SPATA16: variants seen among roughly 807,000 people sequenced by gnomAD.
SPATA16 encodes the protein spermatogenesis associated 16.
In SPATA16, 36 loss-of-function variants were observed where a neutral mutation model predicts 63.3. The ratio of observed to expected loss-of-function variants is 0.57; its 90% CI spans 0.44 to 0.75. The LOEUF is 0.75. Among genes scored for constraint, SPATA16 ranks in the 30% least tolerant of loss-of-function variants. The probability of loss-of-function intolerance (pLI) is 0.00; values close to 1 mark genes in which losing one functional copy is unlikely to be tolerated. For missense variants in SPATA16, 646 were observed against 679.3 expected (o/e 0.95, Z 0.54); for synonymous variants, 203 against 216.7 (o/e 0.94, Z 0.56).
At chr3:172,951,855 T>C (rs908657307) in intron 6 of SPATA16, among the ~76,000 whole-genome samples, 2 of 152,250 alleles carry the variant, frequency 1.3e-5, no homozygotes, top group Non-Finnish European at 2.9e-5. Context: ...GTTTTAATGA[T>C]AATAATTACT....
chr3:172,987,362 C>A (rs1467814542), intron 4 of SPATA16, among the ~76,000 whole-genome samples: 1 of 152,196 alleles, frequency 6.6e-6, no homozygotes, highest in Non-Finnish European at 1.5e-5. Flanking sequence ...CCTCCTGGAG[C>A]ATCCCCACAG....
At chr3:173,099,549 A>G (rs1013266477) in intron 2 of SPATA16, among the ~76,000 whole-genome samples, 2 of 152,206 alleles carry the variant, frequency 1.3e-5, no homozygotes, top group African/African-American at 4.8e-5. Context: ...TTAACTTAAA[A>G]GATGAACAAC....
In SPATA16 at chr3:172,939,898, C is replaced by T. The variant is rs1326720499; in HGVS notation, c.1082-14406G>A. 5.3e-5 allele frequency among the ~76,000 whole-genome samples: 8 copies of T among 152,308 alleles called. No individual in the cohort carries two copies. The East Asian group carries it at 1.2e-3, about 22-fold the overall frequency. ...GCTTGGAATGTTCAGCTTCATGCCT[C>T]CCCCACCTCTGGAGAGAGGAGAGAT... On this transcript the variant is annotated intron_variant, in intron 6 of 10. Coordinates refer to ENST00000351008, the MANE Select transcript of SPATA16 (RefSeq NM_031955.6).
At chr3:173,123,414 G>A (rs1316112767) in intron 1 of SPATA16, among the ~76,000 whole-genome samples, 1 of 151,962 alleles carries the variant, frequency 6.6e-6, no homozygotes, top group Non-Finnish European at 1.5e-5. Context: ...CCTCTGCATT[G>A]CACCCCAAGT....
At chr3:172,994,963 A>G (rs1734663228) in intron 4 of SPATA16, among the ~76,000 whole-genome samples, 1 of 152,104 alleles carries the variant, frequency 6.6e-6, no homozygotes, top group Admixed American at 6.6e-5. Flanking sequence ...AATACAGCCA[A>G]ATGGGGGTGC....
At chr3:172,917,160 G>T (rs1732511923) in intron 8 of SPATA16, among the ~76,000 whole-genome samples, 1 of 152,152 alleles carries the variant, frequency 6.6e-6, no homozygotes, top group Admixed American at 6.5e-5. Flanking sequence ...TTAAGATGGG[G>T]CGCATTTAGA....
chr3:172,893,734 C>A (rs1010823068), intron 10 of SPATA16, among the ~76,000 whole-genome samples: 5 of 152,212 alleles, frequency 3.3e-5, no homozygotes, highest in African/African-American at 1.2e-4. Context: ...ACCTTGGGAA[C>A]CAGGCTTCTC....
At chr3:172,918,502 A>G (rs1732548022) in intron 8 of SPATA16, among the ~76,000 whole-genome samples, 1 of 152,156 alleles carries the variant, frequency 6.6e-6, no homozygotes, top group South Asian at 2.1e-4. Flanking sequence ...AGCCAAATGC[A>G]GTTTTGGTTA....
chr3:173,076,584 A>T (rs1736808956), intron 2 of SPATA16, among the ~76,000 whole-genome samples: 1 of 152,036 alleles, frequency 6.6e-6, no homozygotes, highest in African/African-American at 2.4e-5. Context: ...CTATAAGTCT[A>T]AAAAAATTAT....
intron 8 of SPATA16, among the ~76,000 whole-genome samples, chr3:172,923,139 A>G (rs1307889033): frequency 6.6e-6 from 1 of 152,108 alleles, no homozygotes; most frequent in Non-Finnish European, 1.5e-5. Flanking sequence ...GATGAGGGTA[A>G]TGATGTGTGT....
chr3:173,089,692 A>C (rs113542076), intron 2 of SPATA16, among the ~76,000 whole-genome samples: 209 of 152,258 alleles, frequency 1.4e-3, no homozygotes, highest in African/African-American at 4.9e-3. Context: ...TCTTATGGTG[A>C]ACCTTGTTGA....
chr3:173,080,154 G>C (rs1342722756), intron 2 of SPATA16, among the ~76,000 whole-genome samples: 1 of 152,170 alleles, frequency 6.6e-6, no homozygotes, highest in East Asian at 1.9e-4. Flanking sequence ...AGAAGTCTAG[G>C]AGAGGACAGA....
intron 4 of SPATA16, among the ~76,000 whole-genome samples, chr3:172,994,655 G>A (rs934178452): frequency 1.1e-4 from 17 of 152,080 alleles, no homozygotes; most frequent in Admixed American, 1.1e-3. Flanking sequence ...TGTAGATTAT[G>A]GAGAGCCATT....
At chr3:173,092,847 C>T (rs902033203) in intron 2 of SPATA16, among the ~76,000 whole-genome samples, 1 of 152,078 alleles carries the variant, frequency 6.6e-6, no homozygotes, top group African/African-American at 2.4e-5. Flanking sequence ...TTTCTTTTCT[C>T]ATTGCCTATT....
intron 3 of SPATA16, among the ~76,000 whole-genome samples, chr3:173,028,001 C>CCCTCCCTCCCTT (rs1735494268): frequency 1.6e-5 from 1 of 63,156 alleles, no homozygotes; most frequent in Admixed American, 1.9e-4. Flanking sequence ...CTCCCTCCCT[C>CCCTCCCTCCCTT]CCTCCCTCCC....
At chr3:173,090,982 G>A (rs1439831149) in intron 2 of SPATA16, among the ~76,000 whole-genome samples, 2 of 152,050 alleles carry the variant, frequency 1.3e-5, no homozygotes, top group African/African-American at 2.4e-5. Flanking sequence ...ACATCTTAAT[G>A]TTGGTTTCAG....
intron 2 of SPATA16, among the ~76,000 whole-genome samples, chr3:173,061,093 C>T (rs9865077): frequency 0.18 from 27,505 of 152,136 alleles, 2,567 homozygotes; most frequent in South Asian, 0.23. Flanking sequence ...TCCCAGACTT[C>T]AGTCACCAGA....
rs993485662 is a variant in SPATA16, at chr3:172,911,553, A to G, written c.1587+2108T>C. Among the ~76,000 whole-genome samples the G allele has an allele frequency of 5.9e-5, 9 of 152,298 alleles. No homozygotes were observed. In the South Asian group the frequency reaches 8.3e-4, roughly 14 times the overall value. On this transcript the variant is annotated intron_variant, in intron 10 of 10. Coordinates refer to ENST00000351008, the MANE Select transcript of SPATA16 (RefSeq NM_031955.6). ...TTCATAAGTTACTTAACCATTCTTT[A>G]TATTAAATTTCCATTCATATATCTG... is the stretch of plus-strand genomic sequence containing the variant.
intron 4 of SPATA16, among the ~76,000 whole-genome samples, chr3:172,997,581 A>G (rs1414111700): frequency 6.6e-6 from 1 of 151,860 alleles, no homozygotes; most frequent in African/African-American, 2.4e-5. Context: ...TTGACAGTGT[A>G]TTTTGCAGAG....
Sources: allele counts gnomAD v4.1 joint callset (sites outside exome capture counted in the v4.1 genomes callset), GRCh38; gene constraint gnomAD v4.1.1; transcripts MANE v1.5; gene names NCBI Gene and HGNC (gene_info 2026-07-23, HGNC 2026-07-21).